CACNB2: variants seen among roughly 807,000 people sequenced by gnomAD.
CACNB2 encodes the protein calcium voltage-gated channel auxiliary subunit beta 2.
CACNB2 carries 42 observed loss-of-function variants against 73.3 expected under a neutral mutation model. The observed-to-expected ratio is 0.57, with a 90% confidence interval of 0.45 to 0.74. The LOEUF (loss-of-function observed/expected upper bound fraction) is 0.74. Among genes scored for constraint, CACNB2 ranks in the 30% least tolerant of loss-of-function variants. The pLI, the probability that CACNB2 is intolerant of heterozygous loss-of-function variation, is 0.00. For synonymous variants in CACNB2, 348 were observed against 310.3 expected (o/e 1.12, Z -1.28); for missense variants, 940 against 853.0 (o/e 1.10, Z -1.27).
At chr10:18,506,765 T>C (rs888441953) in intron 6 of CACNB2, among the ~76,000 whole-genome samples, 2 of 152,196 alleles carry the variant, frequency 1.3e-5, no homozygotes, top group African/African-American at 2.4e-5. Flanking sequence ...TTTACATTGC[T>C]GTAGATGATC....
At chr10:18,394,929 C>T (rs961061132) in intron 2 of CACNB2, among the ~76,000 whole-genome samples, 1 of 152,032 alleles carries the variant, frequency 6.6e-6, no homozygotes, top group Non-Finnish European at 1.5e-5. Flanking sequence ...TTATATTCTC[C>T]GGAGACATCA....
intron 2 of CACNB2, among the ~76,000 whole-genome samples, chr10:18,156,573 G>A (rs899784383): frequency 1.3e-5 from 2 of 152,192 alleles, no homozygotes; most frequent in African/African-American, 4.8e-5. Context: ...GCAGATGTTA[G>A]TGGGATTTCC....
intron 2 of CACNB2, among the ~76,000 whole-genome samples, chr10:18,256,023 A>G (rs2037273006): frequency 6.6e-6 from 1 of 152,196 alleles, no homozygotes; most frequent in Admixed American, 6.5e-5. Flanking sequence ...TAATCCTCAT[A>G]CTTTCAAAAG....
chr10:18,220,902 C>T (rs557492030), intron 2 of CACNB2, among the ~76,000 whole-genome samples: 3 of 152,298 alleles, frequency 2.0e-5, no homozygotes, highest in South Asian at 4.1e-4. Context: ...TCCATGAAAC[C>T]GGCCTCTGGT....
At chr10:18,248,428 A>T (rs550437624) in intron 2 of CACNB2, among the ~76,000 whole-genome samples, 14 of 152,346 alleles carry the variant, frequency 9.2e-5, no homozygotes, top group African/African-American at 3.4e-4. Context: ...GTCATAAATC[A>T]TATGAATCTC....
At position 18,281,707 on chromosome 10, in the gene CACNB2, C is replaced by T. The variant is rs894179843; in HGVS notation, c.214-120217C>T. Among the ~76,000 whole-genome samples, 28 of 152,072 alleles carry T rather than the reference C, an allele frequency of 1.8e-4. 1 individual carries two copies. The highest frequency in any genetic ancestry group is 1.5e-5 in the Non-Finnish European group (1 of 67,994). On this transcript the variant is annotated intron_variant, in intron 2 of 13. Coordinates refer to ENST00000324631, the MANE Select transcript of CACNB2 (RefSeq NM_201596.3). ...TGTTTCTGGGAGACAGAGGAGGAAA[C>T]GCCAAAATAAAGGAACATTATAGCA...
At chr10:18,466,635 T>G (rs568732298) in intron 3 of CACNB2, among the ~76,000 whole-genome samples, 2 of 152,182 alleles carry the variant, frequency 1.3e-5, no homozygotes, top group Non-Finnish European at 2.9e-5. Flanking sequence ...AGCTGTTAAT[T>G]TGAGAATCCA....
At chr10:18,424,391 G>C (rs543809785) in intron 3 of CACNB2, among the ~76,000 whole-genome samples, 1 of 152,204 alleles carries the variant, frequency 6.6e-6, no homozygotes, top group East Asian at 1.9e-4. Context: ...AAATCTCTAA[G>C]GGAGAAGTAG....
At position 18,244,161 on chromosome 10, in the gene CACNB2, T is replaced by C. The variant is rs546019938; in HGVS notation, c.213+93186T>C. On this transcript the variant is annotated intron_variant, in intron 2 of 13. Transcript: ENST00000324631. ...ATAGTGCAGTGTCTTTGATATTTAC[T>C]GCAATGATGTTGGCTATAATTCTGT... Among the ~76,000 whole-genome samples the C allele has an allele frequency of 9.2e-5, 14 of 152,322 alleles. No homozygotes were observed. In the South Asian group the frequency reaches 2.9e-3, roughly 32 times the overall value.
chr10:18,394,987 C>T (rs1236575233), intron 2 of CACNB2, among the ~76,000 whole-genome samples: 1 of 151,992 alleles, frequency 6.6e-6, no homozygotes, highest in South Asian at 2.1e-4. Flanking sequence ...AATGTAACTC[C>T]GAATTAAGGA....
chr10:18,496,201 A>AAAG (rs1225429741), intron 3 of CACNB2, among the ~76,000 whole-genome samples: 1 of 151,602 alleles, frequency 6.6e-6, no homozygotes, highest in Non-Finnish European at 1.5e-5. Flanking sequence ...AAAAAAAAAA[A>AAAG]AAAAATTACA....
In CACNB2 at chr10:18,538,450, C is replaced by G. The variant is rs11816240; in HGVS notation, c.1488+85C>G. 6,406 of 1,172,994 alleles carry G rather than the reference C, an allele frequency of 5.5e-3. 312 individuals are homozygous for G. In the African/African-American group the frequency reaches 0.087, roughly 16 times the overall value. The allele number at this position is 1,172,994 out of a possible 1,614,324, so 72.7% of individuals were successfully genotyped here. A position where few individuals can be genotyped will look rare whatever the true frequency, so the allele number is the denominator to read the frequency against. ...TGGTGACACCTCTAGGATCCAAGCC[C>G]AGTAGCCTGCTTGGGGCTTGTTCTA... is the stretch of plus-strand genomic sequence containing the variant. On this transcript the variant is annotated intron_variant, in intron 13 of 13. Coordinates refer to ENST00000324631, the MANE Select transcript of CACNB2 (RefSeq NM_201596.3).
intron 12 of CACNB2, among the ~76,000 whole-genome samples, chr10:18,537,707 G>T (rs1037397724): frequency 6.9e-6 from 1 of 144,826 alleles, no homozygotes; most frequent in South Asian, 2.1e-4. Flanking sequence ...AACCTGGGAG[G>T]CCAAGGTTGC....
chr10:18,426,955 A>ATTTTTTT (rs551543429), intron 3 of CACNB2, among the ~76,000 whole-genome samples: 57,103 of 81,160 alleles, frequency 0.7, 20,061 homozygotes, highest in East Asian at 0.77. Context: ...CCTTTTCTAC[A>ATTTTTTT]TTTTTTTTTT....
chr10:18,485,558 CTTT>C (rs34707498), intron 3 of CACNB2, among the ~76,000 whole-genome samples: 10 of 129,252 alleles, frequency 7.7e-5, no homozygotes, highest in Admixed American at 8.1e-5. Context: ...CTCTCTCTCT[CTTT>C]TTTTTTTTTT....
intron 2 of CACNB2, among the ~76,000 whole-genome samples, chr10:18,225,987 A>G (rs1252844133): frequency 1.3e-5 from 2 of 151,668 alleles, no homozygotes; most frequent in South Asian, 2.1e-4. Flanking sequence ...GCAGGCTAGC[A>G]TGATGAGAGA....
intron 2 of CACNB2, among the ~76,000 whole-genome samples, chr10:18,352,899 A>C (rs1382497641): frequency 6.6e-6 from 1 of 152,230 alleles, no homozygotes; most frequent in Non-Finnish European, 1.5e-5. Flanking sequence ...AATCCATCAA[A>C]TGTATTACAT....
intron 3 of CACNB2, among the ~76,000 whole-genome samples, chr10:18,457,169 C>T (rs908830074): frequency 2.6e-5 from 4 of 152,204 alleles, no homozygotes; most frequent in African/African-American, 9.7e-5. Context: ...TGGTTCACTG[C>T]AGGCTCAACC....
chr10:18,243,643 T>A (rs187602921), intron 2 of CACNB2, among the ~76,000 whole-genome samples: 1 of 152,262 alleles, frequency 6.6e-6, no homozygotes. Flanking sequence ...CTCACTGTCT[T>A]GGGAATAGGT....
Sources: gnomAD v4.1 joint callset for allele counts (sites outside exome capture counted in the v4.1 genomes callset) on GRCh38, gnomAD v4.1.1 for gene constraint, MANE v1.5 for transcripts, NCBI Gene and HGNC (gene_info 2026-07-23, HGNC 2026-07-21) for gene names.